The following YIPF1 variants were observed in gnomAD, a reference collection of about 807,000 sequenced individuals.
YIPF1 encodes Yip1 domain family member 1.
Under a neutral mutation model 37.0 loss-of-function variants are expected in YIPF1, and 22 were observed. The ratio of observed to expected loss-of-function variants is 0.59; its 90% CI spans 0.42 to 0.85. YIPF1 has a LOEUF of 0.85. Ranked by LOEUF, YIPF1 falls within the 40% of genes least tolerant of loss-of-function variation. The probability of loss-of-function intolerance (pLI) is 0.00; values close to 1 mark genes in which losing one functional copy is unlikely to be tolerated. For synonymous variants in YIPF1, 128 were observed against 131.9 expected, an observed-to-expected ratio of 0.97 and a Z score of 0.21; for missense variants, 355 against 373.1, an observed-to-expected ratio of 0.95 and a Z score of 0.40.
Position 53,888,921 on chromosome 1 carries a change from T to A in YIPF1, c.17A>T (p.Asp6Val), listed in dbSNP as rs1353449040. 1 of 1,594,310 alleles carries A rather than the reference T, an allele frequency of 6.3e-7. No individual in the cohort carries two copies. Among genetic ancestry groups the A allele is most frequent in the Non-Finnish European group, 8.6e-7 (1 of 1,163,772 alleles). ...AACTGGTATACCTTCAAATTGCAAG[T>A]CATCTACTGCTGCCATTCGGCCAGT... MAAVD[D>V]LQFEEFGNAA... Residue 6 changes from aspartate to valine, a missense_variant, in exon 3 of 11, where the codon GAC becomes GTC. Transcript: ENST00000072644.
At chr1:53,878,523 C>T in intron 5 of YIPF1, 119 bp downstream of exon 5, 1 of 1,462,358 alleles carries the variant, frequency 6.8e-7, no homozygotes. Flanking sequence ...GCTAATAACC[C>T]TTTACTTTTG....
chr1:53,859,579 C>T (rs773256939), intron 10 of YIPF1, among the ~76,000 whole-genome samples: 45 of 152,098 alleles, frequency 3.0e-4, no homozygotes, highest in African/African-American at 6.0e-4. Flanking sequence ...GCAGGAGAAT[C>T]GCTTGAACCC....
chr1:53,862,486 C>A (rs1409104693), intron 9 of YIPF1, among the ~76,000 whole-genome samples: 1 of 152,186 alleles, frequency 6.6e-6, no homozygotes, highest in Non-Finnish European at 1.5e-5. Flanking sequence ...CAAACATACA[C>A]CAAGGGTGCA....
At chr1:53,858,802 T>C (rs1649790231) in intron 10 of YIPF1, among the ~76,000 whole-genome samples, 2 of 152,158 alleles carry the variant, frequency 1.3e-5, no homozygotes, top group Admixed American at 1.3e-4. Flanking sequence ...GCCAAGCTAA[T>C]TTTTTGTATT....
chr1:53,867,731 C>T (rs865942568), intron 7 of YIPF1, among the ~76,000 whole-genome samples: 3 of 152,208 alleles, frequency 2.0e-5, no homozygotes, highest in Non-Finnish European at 2.9e-5. Flanking sequence ...TGCATGCTCT[C>T]TAGAGTTCCT....
At chr1:53,858,172 A>G (rs1649773709) in intron 10 of YIPF1, among the ~76,000 whole-genome samples, 1 of 152,074 alleles carries the variant, frequency 6.6e-6, no homozygotes, top group South Asian at 2.1e-4. Flanking sequence ...TGATTCTAAC[A>G]TCGCATACCC....
chr1:53,877,756 C>T (rs1650369615), intron 6 of YIPF1, among the ~76,000 whole-genome samples: 1 of 152,256 alleles, frequency 6.6e-6, no homozygotes, highest in South Asian at 2.1e-4. Flanking sequence ...TCCACCTAGT[C>T]AAAGTGACTA....
At chr1:53,871,541 A>G in intron 6 of YIPF1, 53 bp from the exon 7 acceptor site, 1 of 1,348,682 alleles carries the variant, frequency 7.4e-7, no homozygotes, top group South Asian at 1.2e-5. Flanking sequence ...ATAAGCCTTT[A>G]GATTCTTACA....
chr1:53,872,297 A>C (rs928013885), intron 6 of YIPF1, among the ~76,000 whole-genome samples: 1 of 152,094 alleles, frequency 6.6e-6, no homozygotes, highest in African/African-American at 2.4e-5. Context: ...CATGTATATA[A>C]GCAAATGCAT....
At chr1:53,883,319 C>T (rs1443811611) in intron 3 of YIPF1, 43 bp from the exon 4 acceptor site, 5 of 1,483,672 alleles carry the variant, frequency 3.4e-6, no homozygotes, top group Non-Finnish European at 4.5e-6. Flanking sequence ...ACCTTACCCA[C>T]ACTAGAAATG....
At chr1:53,862,361 C>CTAGGCACCGTGG (rs1649906316) in intron 9 of YIPF1, among the ~76,000 whole-genome samples, 1 of 152,152 alleles carries the variant, frequency 6.6e-6, no homozygotes, top group African/African-American at 2.4e-5. Flanking sequence ...CGGTCCGGAT[C>CTAGGCACCGTGG]TAGGCACCGT....
chr1:53,867,797 A>C (rs1650072807), intron 7 of YIPF1, among the ~76,000 whole-genome samples: 1 of 152,190 alleles, frequency 6.6e-6, no homozygotes, highest in Admixed American at 6.5e-5. Flanking sequence ...AATATTCTCC[A>C]GTTATACTTT....
At chr1:53,889,198 C>A in intron 2 of YIPF1, 46 bp downstream of exon 2, 1 of 402,014 alleles carries the variant, frequency 2.5e-6, no homozygotes, top group Non-Finnish European at 4.6e-6. Context: ...GGTTCCAATT[C>A]AACCTTATTT....
chr1:53,882,108 G>C (rs1277657136), intron 4 of YIPF1, among the ~76,000 whole-genome samples: 1 of 152,122 alleles, frequency 6.6e-6, no homozygotes, highest in Non-Finnish European at 1.5e-5. Context: ...ACTAACACAG[G>C]AACAGAAAAC....
chr1:53,860,868 A>G (rs1345541749), intron 9 of YIPF1, among the ~76,000 whole-genome samples: 1 of 152,224 alleles, frequency 6.6e-6, no homozygotes, highest in Non-Finnish European at 1.5e-5. Context: ...GCCTAACTTG[A>G]GCGAAGCCAA....
intron 7 of YIPF1, among the ~76,000 whole-genome samples, chr1:53,871,056 A>G (rs1268275014): frequency 6.6e-6 from 1 of 150,416 alleles, no homozygotes; most frequent in African/African-American, 2.4e-5. Context: ...TGCAGTTGCT[A>G]TTCGGCCTTG....
chr1:53,873,292 G>T (rs1321391549), intron 6 of YIPF1, among the ~76,000 whole-genome samples: 2 of 152,290 alleles, frequency 1.3e-5, no homozygotes, highest in South Asian at 2.1e-4. Flanking sequence ...TAGAGAAAGG[G>T]ATGTGTAAGC....
intron 7 of YIPF1, 75 bp from the exon 8 acceptor site, chr1:53,866,999 T>C (rs1650047013): frequency 2.7e-6 from 4 of 1,502,710 alleles, no homozygotes; most frequent in East Asian, 2.3e-5. Flanking sequence ...CAACACCTTA[T>C]TGTACTTAAA....
chr1:53,854,123 A>C (rs1649662522), intron 10 of YIPF1, among the ~76,000 whole-genome samples: 1 of 152,118 alleles, frequency 6.6e-6, no homozygotes, highest in South Asian at 2.1e-4. Context: ...ATGATGATGC[A>C]TTCCTGTAAT....
Sources: gnomAD v4.1 joint callset for allele counts (sites outside exome capture counted in the v4.1 genomes callset) on GRCh38, gnomAD v4.1.1 for gene constraint, MANE v1.5 for transcripts, NCBI Gene and HGNC (gene_info 2026-07-23, HGNC 2026-07-21) for gene names.